Variants in GLI3 observed in about 807,000 individuals in gnomAD.
GLI3 encodes the protein GLI family zinc finger 3.
In GLI3, 20 loss-of-function variants were observed where a neutral mutation model predicts 100.8. The ratio of observed to expected loss-of-function variants is 0.20; its 90% CI spans 0.14 to 0.29. The LOEUF (loss-of-function observed/expected upper bound fraction) is 0.29, where lower values mean the gene tolerates loss of function less well. GLI3 is among the 10% of genes least tolerant of loss of function. The probability of loss-of-function intolerance (pLI) is 1.00; values close to 1 mark genes in which losing one functional copy is unlikely to be tolerated. For missense variants in GLI3, 2,040 were observed against 2,128.5 expected (o/e 0.96, Z 0.82); for synonymous variants, 938 against 860.5 (o/e 1.09, Z -1.58).
intron 2 of GLI3, among the ~76,000 whole-genome samples, chr7:42,174,386 G>T (rs978948863): frequency 6.6e-6 from 1 of 152,144 alleles, no homozygotes; most frequent in African/African-American, 2.4e-5. Flanking sequence ...TTCAAAACTG[G>T]GTCAAGAGAT....
intron 10 of GLI3, among the ~76,000 whole-genome samples, chr7:41,995,074 G>T (rs911619611): frequency 2.0e-5 from 3 of 152,208 alleles, no homozygotes; most frequent in Non-Finnish European, 4.4e-5. Flanking sequence ...TTGCCACCTG[G>T]ATTTTTAAAG....
intron 4 of GLI3, among the ~76,000 whole-genome samples, chr7:42,062,204 G>T (rs1202739315): frequency 2.0e-5 from 3 of 152,216 alleles, no homozygotes; most frequent in East Asian, 1.9e-4. Context: ...GGCCCCATTT[G>T]TTCCTAAAAT....
chr7:41,968,977 A>G (rs11984023), intron 13 of GLI3, among the ~76,000 whole-genome samples: 7,459 of 152,236 alleles, frequency 0.049, 270 homozygotes, highest in African/African-American at 0.094. Flanking sequence ...CGTAGTCCTC[A>G]ATCAGGGAAA....
chr7:41,981,737 A>T (rs1042385722), intron 10 of GLI3, among the ~76,000 whole-genome samples: 1 of 152,170 alleles, frequency 6.6e-6, no homozygotes, highest in African/African-American at 2.4e-5. Context: ...TAAATTGGAC[A>T]CTTTAGTTAT....
At chr7:41,967,460 G>GGCTAAAC (rs1229890109) in intron 14 of GLI3, 136 bp downstream of exon 14, 1 of 719,002 alleles carries the variant, frequency 1.4e-6, no homozygotes, top group African/African-American at 1.8e-5. Context: ...AACTTGAATG[G>GGCTAAAC]GCTAAACATT....
At chr7:42,233,886 GTA>G (rs776781644) in intron 1 of GLI3, among the ~76,000 whole-genome samples, 15 of 152,158 alleles carry the variant, frequency 9.9e-5, no homozygotes, top group Non-Finnish European at 1.8e-4. Flanking sequence ...AAACGTGTGT[GTA>G]TGTGTGTGTG....
intron 1 of GLI3, among the ~76,000 whole-genome samples, chr7:42,234,417 AC>A (rs1788750400): frequency 6.6e-6 from 1 of 152,234 alleles, no homozygotes; most frequent in Non-Finnish European, 1.5e-5. Context: ...TGGCCAAGAA[AC>A]AAAGGAAAGT....
Position 42,048,675 on chromosome 7 carries a change from G to A in GLI3, c.495C>T (p.Ser165=). Reference sequence around the variant, plus strand: ...TGAAGGGCAGGTCCGGATACGTAGGGCTACTAGATAAGGCGGAAGTCCTGG... The same window carrying A: ...TGAAGGGCAGGTCCGGATACGTAGGACTACTAGATAAGGCGGAAGTCCTGG... ...PLHMTSALSS[S]PTYPDLPFIR... Residue 165 remains serine (S), a synonymous_variant, in exon 5 of 15, where the codon AGC becomes AGT. Coordinates refer to ENST00000395925, the MANE Select transcript of GLI3 (RefSeq NM_000168.6). 2 of 1,609,766 alleles carry A rather than the reference G, an allele frequency of 1.2e-6. No homozygotes were observed. The highest frequency in any genetic ancestry group is 1.4e-5 in the African/African-American group (1 of 73,532).
chr7:42,092,017 A>T (rs1785230813), intron 3 of GLI3, among the ~76,000 whole-genome samples: 1 of 152,242 alleles, frequency 6.6e-6, no homozygotes, highest in Non-Finnish European at 1.5e-5. Context: ...TCTGCCTGGG[A>T]AGCAGGGCCA....
At chr7:42,051,342 G>T (rs1784347898) in intron 4 of GLI3, among the ~76,000 whole-genome samples, 1 of 152,190 alleles carries the variant, frequency 6.6e-6, no homozygotes, top group Admixed American at 6.5e-5. Flanking sequence ...GTCCAATGGG[G>T]AAGATAACCT....
Position 42,235,748 on chromosome 7 carries a change from T to TGG in GLI3, c.-43+1222_-43+1223insCC, listed in dbSNP as rs1363691239. ...GCACAGCGGCCGGCCCTCCATACCT[T>TGG]TGACTAAAGGGTTCTTTGACTTGGA... On this transcript the variant is annotated intron_variant, in intron 1 of 14. Transcript: ENST00000395925. 1.2e-4 allele frequency among the ~76,000 whole-genome samples: 19 copies of TGG among 152,292 alleles called. No homozygotes were observed. In the East Asian group the frequency reaches 1.5e-3, roughly 12 times the overall value.
At position 42,132,294 on chromosome 7, in the gene GLI3, G is replaced by T. The variant is rs773098319; in HGVS notation, c.367+15932C>A. Reference sequence around the variant, plus strand: ...TTTTTGTATTTTTAGTAGAGATGGGGTTTCACCATGTTAGCCAGGATGGTC... The same window carrying T: ...TTTTTGTATTTTTAGTAGAGATGGGTTTTCACCATGTTAGCCAGGATGGTC... On this transcript the variant is annotated intron_variant, in intron 3 of 14. Transcript: ENST00000395925. 9.5e-4 allele frequency among the ~76,000 whole-genome samples: 142 copies of T among 149,904 alleles called. No individual in the cohort carries two copies. The Middle Eastern group carries it at 0.021, about 22-fold the overall frequency.
intron 1 of GLI3, among the ~76,000 whole-genome samples, chr7:42,261,219 A>ACACACACACACACACC (rs1789136401): frequency 6.6e-6 from 1 of 151,822 alleles, no homozygotes; most frequent in African/African-American, 2.4e-5. Context: ...ACACACACAC[A>ACACACACACACACACC]CACAACACAC....
chr7:41,977,000 G>T (rs1178268317), intron 12 of GLI3, among the ~76,000 whole-genome samples: 1 of 152,182 alleles, frequency 6.6e-6, no homozygotes, highest in East Asian at 1.9e-4. Flanking sequence ...AAAGTATTCT[G>T]GGTTTCTGAG....
At chr7:42,197,136 G>A (rs1232322406) in intron 2 of GLI3, among the ~76,000 whole-genome samples, 7 of 152,126 alleles carry the variant, frequency 4.6e-5, no homozygotes, top group Admixed American at 2.0e-4. Flanking sequence ...CAGGACCCCC[G>A]TTACTGACTG....
At chr7:42,106,557 T>A (rs1375802514) in intron 3 of GLI3, among the ~76,000 whole-genome samples, 1 of 152,200 alleles carries the variant, frequency 6.6e-6, no homozygotes, top group Non-Finnish European at 1.5e-5. Context: ...ACAGAAGAGC[T>A]CCTTCTTTTA....
chr7:41,965,330 G>A lies in GLI3; in HGVS notation c.3743C>T (p.Pro1248Leu), dbSNP rs745366777. The A allele has an allele frequency of 6.2e-7, 1 of 1,613,906 alleles. No homozygotes were observed. The highest frequency in any genetic ancestry group is 8.5e-7 in the Non-Finnish European group (1 of 1,179,918). The change falls in exon 15 of 15, where the codon CCC becomes CTC. Residue 1248 changes from proline (P) to leucine (L), a missense_variant. Transcript: ENST00000395925. The part of the protein sequence containing the change: ...GTSGNAFHEQ[P>L]CKAPQYGNCL... ...GTTCCCATACTGCGGGGCCTTACAG[G>A]GCTGTTCATGGAAGGCGTTTCCACT...
chr7:42,011,726 G>C (rs1788617581), intron 10 of GLI3, among the ~76,000 whole-genome samples: 1 of 152,172 alleles, frequency 6.6e-6, no homozygotes, highest in African/African-American at 2.4e-5. Context: ...CATAGAGACA[G>C]AAGGCAGGTT....
At chr7:42,113,358 T>C in intron 3 of GLI3, 1 of 667,768 alleles carries the variant, frequency 1.5e-6, no homozygotes, top group South Asian at 1.4e-5. Flanking sequence ...TCGCTGTTGT[T>C]GCCAGCATGC....
Sources: gnomAD v4.1 joint callset for allele counts (sites outside exome capture counted in the v4.1 genomes callset) on GRCh38, gnomAD v4.1.1 for gene constraint, MANE v1.5 for transcripts, NCBI Gene and HGNC (gene_info 2026-07-23, HGNC 2026-07-21) for gene names.